Variants in CYRIA observed in about 807,000 individuals in gnomAD.
CYRIA encodes CYFIP-related Rac1 interactor A.
In CYRIA, 15 loss-of-function variants were observed where a neutral mutation model predicts 43.9. The observed-to-expected ratio is 0.34, with a 90% CI of 0.23 to 0.53. The LOEUF is 0.53. Ranked by LOEUF, CYRIA falls within the 20% of genes least tolerant of loss-of-function variation. The pLI is 0.94. For synonymous variants in CYRIA, 117 were observed against 136.0 expected, an observed-to-expected ratio of 0.86 and a Z score of 0.97; for missense variants, 236 against 394.2, an observed-to-expected ratio of 0.60 and a Z score of 3.40.
At chr2:16,575,452 A>C (rs1667298041) in intron 3 of CYRIA, among the ~76,000 whole-genome samples, 1 of 152,044 alleles carries the variant, frequency 6.6e-6, no homozygotes, top group African/African-American at 2.4e-5. Flanking sequence ...TTGAATTCCC[A>C]CATGTTGTGG....
chr2:16,558,374 G>T (rs1276230524), intron 10 of CYRIA, among the ~76,000 whole-genome samples: 1 of 152,108 alleles, frequency 6.6e-6, no homozygotes, highest in East Asian at 1.9e-4. Context: ...GCATTCTTCA[G>T]ACCTATGGCC....
chr2:16,617,163 T>C (rs567910605), intron 2 of CYRIA, among the ~76,000 whole-genome samples: 15 of 152,334 alleles, frequency 9.8e-5, no homozygotes, highest in African/African-American at 3.4e-4. Flanking sequence ...TAGTCAAGCC[T>C]TCGGGTCTGG....
At chr2:16,585,545 T>TA (rs1221934498) in intron 3 of CYRIA, among the ~76,000 whole-genome samples, 4 of 152,190 alleles carry the variant, frequency 2.6e-5, no homozygotes, top group Non-Finnish European at 4.4e-5. Context: ...ATATCTTCCT[T>TA]AAATACTATA....
chr2:16,605,242 A>G (rs1411034478), intron 2 of CYRIA, among the ~76,000 whole-genome samples: 1 of 152,234 alleles, frequency 6.6e-6, no homozygotes, highest in African/African-American at 2.4e-5. Flanking sequence ...CATCATAGCT[A>G]ATTTTTCCAT....
At chr2:16,628,997 G>A (rs1390251680) in intron 1 of CYRIA, among the ~76,000 whole-genome samples, 1 of 152,160 alleles carries the variant, frequency 6.6e-6, no homozygotes, top group Non-Finnish European at 1.5e-5. Context: ...TGCCCTGGAA[G>A]CCCCGGAACC....
chr2:16,569,581 T>C, intron 3 of CYRIA, among the ~76,000 whole-genome samples: 1 of 152,176 alleles, frequency 6.6e-6, no homozygotes, highest in East Asian at 1.9e-4. Flanking sequence ...TGCCATAAGA[T>C]TCTCAGGGGA....
At position 16,561,394 on chromosome 2, in the gene CYRIA, G is replaced by A. The variant is rs1666725976; in HGVS notation, c.513+62C>T. 4 of 1,523,130 alleles carry A rather than the reference G, an allele frequency of 2.6e-6. No homozygotes were observed. The African/African-American group carries it at 4.1e-5, about 16-fold the overall frequency. 94.4% of individuals were successfully genotyped at this position (1,523,130 alleles called of 1,614,324 possible). On this transcript the variant is annotated intron_variant, in intron 7 of 11. Transcript: ENST00000381323. ...ATTGTCTTCTGTCTGTGCTCTGCCT[G>A]ATGCAGAAATCAAAAGAGTCATGGA...
intron 1 of CYRIA, among the ~76,000 whole-genome samples, chr2:16,631,828 C>T (rs560979252): frequency 1.3e-5 from 2 of 152,250 alleles, no homozygotes; most frequent in Non-Finnish European, 2.9e-5. Context: ...GCAATGGTAC[C>T]ATGGCCACGC....
chr2:16,554,236 C>A (rs2103398221), intron 11 of CYRIA, among the ~76,000 whole-genome samples: 1 of 152,220 alleles, frequency 6.6e-6, no homozygotes, highest in African/African-American at 2.4e-5. Context: ...ATGTACAACA[C>A]TGAGTGGAAC....
chr2:16,586,832 G>A (rs1667745978), intron 3 of CYRIA, among the ~76,000 whole-genome samples: 1 of 152,052 alleles, frequency 6.6e-6, no homozygotes. Context: ...ACATTAGAGT[G>A]TGCAGCAGAT....
chr2:16,647,445 G>A (rs1248038682), intron 1 of CYRIA, among the ~76,000 whole-genome samples: 1 of 152,164 alleles, frequency 6.6e-6, no homozygotes, highest in Non-Finnish European at 1.5e-5. Context: ...AAGAATGTAA[G>A]CTCCTCTTTC....
intron 1 of CYRIA, among the ~76,000 whole-genome samples, chr2:16,654,801 G>T (rs1441758522): frequency 6.6e-6 from 1 of 152,192 alleles, no homozygotes; most frequent in African/African-American, 2.4e-5. Context: ...ATAATTCACT[G>T]TTGTTAACAT....
At chr2:16,593,686 T>TTGTG (rs201335187) in intron 2 of CYRIA, among the ~76,000 whole-genome samples, 2 of 135,372 alleles carry the variant, frequency 1.5e-5, no homozygotes, top group South Asian at 2.3e-4. Context: ...CTTTATTTTT[T>TTGTG]TGTGTGTGTG....
At chr2:16,593,455 T>C (rs111480942) in intron 2 of CYRIA, among the ~76,000 whole-genome samples, 9,250 of 152,178 alleles carry the variant, frequency 0.061, 364 homozygotes, top group Non-Finnish European at 0.091. Context: ...TTATTAAAAT[T>C]CAGTGTAGAA....
intron 10 of CYRIA, among the ~76,000 whole-genome samples, chr2:16,557,368 A>G (rs1212370043): frequency 6.6e-6 from 1 of 151,948 alleles, no homozygotes. Context: ...TCTATTCTGC[A>G]CTCCAAAGCA....
intron 2 of CYRIA, chr2:16,623,202 T>A (rs761268769): frequency 6.6e-5 from 10 of 152,174 alleles, no homozygotes; most frequent in Non-Finnish European, 1.5e-4. Flanking sequence ...CAAACTTTAG[T>A]CATCTAGGAG....
At chr2:16,585,206 A>G (rs1667685791) in intron 3 of CYRIA, among the ~76,000 whole-genome samples, 1 of 152,076 alleles carries the variant, frequency 6.6e-6, no homozygotes, top group Non-Finnish European at 1.5e-5. Context: ...CATCTTTAGG[A>G]AATAGGATTT....
intron 1 of CYRIA, among the ~76,000 whole-genome samples, chr2:16,627,021 T>C (rs1373611454): frequency 1.3e-5 from 2 of 150,962 alleles, no homozygotes; most frequent in South Asian, 2.1e-4. Flanking sequence ...AGGTGCCTTA[T>C]CCAGAGTCTC....
chr2:16,589,905 T>C (rs1667862196), intron 2 of CYRIA, among the ~76,000 whole-genome samples: 1 of 152,088 alleles, frequency 6.6e-6, no homozygotes, highest in Non-Finnish European at 1.5e-5. Context: ...ACTTGCCTAG[T>C]GAAATAGTGA....
Sources: gnomAD v4.1 joint callset for allele counts (sites outside exome capture counted in the v4.1 genomes callset) on GRCh38, gnomAD v4.1.1 for gene constraint, MANE v1.5 for transcripts, NCBI Gene and HGNC (gene_info 2026-07-23, HGNC 2026-07-21) for gene names.